The following MTREX variants were observed in gnomAD, a reference collection of about 807,000 sequenced individuals.
MTREX encodes Mtr4 exosome RNA helicase, also known as exosome RNA helicase MTR4.
A neutral mutation model predicts 135.4 loss-of-function variants in MTREX; 76 were observed. That is an observed-to-expected ratio of 0.56 (90% CI 0.47 to 0.68). The LOEUF (loss-of-function observed/expected upper bound fraction) is 0.68. Among genes scored for constraint, MTREX ranks in the 30% least tolerant of loss-of-function variants. The pLI is 0.00. For synonymous variants in MTREX, 404 were observed against 401.6 expected (o/e 1.01, Z -0.07); for missense variants, 920 against 1,262.1 (o/e 0.73, Z 4.11).
chr5:55,386,102 G>C (rs1446540720), intron 18 of MTREX, among the ~76,000 whole-genome samples: 1 of 152,122 alleles, frequency 6.6e-6, no homozygotes. Flanking sequence ...GCTTGCCAGA[G>C]GCAGAGGGAG....
chr5:55,409,186 A>C (rs997296671), intron 22 of MTREX, among the ~76,000 whole-genome samples: 3 of 152,076 alleles, frequency 2.0e-5, no homozygotes, highest in Non-Finnish European at 4.4e-5. Context: ...TCCTGGGCTC[A>C]AGAGATCTAC....
intron 4 of MTREX, among the ~76,000 whole-genome samples, chr5:55,328,326 T>A (rs945223873): frequency 1.3e-5 from 2 of 152,148 alleles, no homozygotes; most frequent in African/African-American, 4.8e-5. Context: ...TTCCTACCTA[T>A]GAAAGGAAAT....
intron 22 of MTREX, among the ~76,000 whole-genome samples, chr5:55,407,847 A>G (rs1750830535): frequency 6.6e-6 from 1 of 152,114 alleles, no homozygotes; most frequent in Admixed American, 6.5e-5. Context: ...TCAACTTGCC[A>G]GGCTCAAGTG....
chr5:55,408,034 GGT>G (rs1402370957), intron 22 of MTREX, among the ~76,000 whole-genome samples: 1 of 152,094 alleles, frequency 6.6e-6, no homozygotes, highest in African/African-American at 2.4e-5. Flanking sequence ...TGGGATTACA[GGT>G]GTGAGCCACT....
chr5:55,405,974 G>A (rs953783362), intron 22 of MTREX, among the ~76,000 whole-genome samples: 1 of 151,718 alleles, frequency 6.6e-6, no homozygotes, highest in African/African-American at 2.4e-5. Context: ...ATATAATTTT[G>A]TATACTTTTT....
chr5:55,331,218 C>G (rs1269081022), intron 5 of MTREX, among the ~76,000 whole-genome samples: 2 of 152,050 alleles, frequency 1.3e-5, no homozygotes, highest in Non-Finnish European at 2.9e-5. Flanking sequence ...CTGTGTTTTC[C>G]TGCACCTTGA....
At chr5:55,371,554 A>G (rs1434471025) in intron 16 of MTREX, among the ~76,000 whole-genome samples, 4 of 152,104 alleles carry the variant, frequency 2.6e-5, no homozygotes, top group Non-Finnish European at 5.9e-5. Flanking sequence ...AGGCCTTCTC[A>G]TTTGCACTGC....
At chr5:55,414,122 G>A (rs2111619258) in intron 23 of MTREX, 60 bp from the exon 24 acceptor site, 1 of 1,247,868 alleles carries the variant, frequency 8.0e-7, no homozygotes. Flanking sequence ...AACGGGTAGT[G>A]TGAAAAACCA....
intron 1 of MTREX, among the ~76,000 whole-genome samples, chr5:55,315,008 G>A (rs1749176469): frequency 6.6e-6 from 1 of 152,190 alleles, no homozygotes. Context: ...TTTCCTAACA[G>A]GCCATGAACT....
chr5:55,362,190 C>T (rs1373690243), intron 15 of MTREX, among the ~76,000 whole-genome samples: 1 of 150,510 alleles, frequency 6.6e-6, no homozygotes, highest in Non-Finnish European at 1.5e-5. Flanking sequence ...ACCTTGGCCT[C>T]CCAGAGTGCT....
chr5:55,348,836 C>G (rs1554031830), intron 11 of MTREX, among the ~76,000 whole-genome samples: 1 of 152,174 alleles, frequency 6.6e-6, no homozygotes, highest in Non-Finnish European at 1.5e-5. Context: ...TTGATAGACA[C>G]TGTACAAGAA....
At chr5:55,334,055 ACTAAAAGAAGTTGGAGTC>A (rs1388292157) in intron 5 of MTREX, among the ~76,000 whole-genome samples, 1 of 152,166 alleles carries the variant, frequency 6.6e-6, no homozygotes, top group Non-Finnish European at 1.5e-5. Context: ...CATTATGCGT[ACTAAAAGAAGTTGGAGTC>A]AAAAGATTGC....
In MTREX at chr5:55,414,182, T is replaced by C; in HGVS notation, c.2752T>C (p.Ser918Pro). 6.4e-7 allele frequency: 1 copy of C among 1,569,670 alleles called. No individual in the cohort carries two copies. Among genetic ancestry groups the C allele is most frequent in the South Asian group, 1.2e-5 (1 of 81,250 alleles). The part of the protein sequence containing the change: ...LLSCFVFQEN[S>P]SEMPKLTEQL... ...ATCTTGTTTTCCTTTTCTTTTATAG[T>C]CTAGTGAGATGCCCAAATTAACAGA... The change falls in exon 24 of 27, where the codon TCT becomes CCT. Residue 918 changes from serine (S) to proline (P), a missense_variant and splice_region_variant. Ser to Pro is a moderately conservative substitution (Grantham distance 74, BLOSUM62 -1). Around this residue, in one of 6 missense-constraint regions of MTREX, gnomAD observed 467 missense variants for 589.7 expected, o/e 0.79. Coordinates refer to ENST00000230640, the MANE Select transcript of MTREX (RefSeq NM_015360.5).
chr5:55,422,993 A>G lies in MTREX; in HGVS notation c.3076+11A>G, dbSNP rs1203704076. 1 of 1,600,808 alleles carries G rather than the reference A, an allele frequency of 6.2e-7. No homozygotes were observed. Among genetic ancestry groups the G allele is most frequent in the Non-Finnish European group, 8.6e-7 (1 of 1,169,042 alleles). Reference sequence around the variant, plus strand: ...ATAAATTTGCAGAAGGTCAGTATCAAATGGATAAGCTGTTTCTAATTTAGA... The same window carrying G: ...ATAAATTTGCAGAAGGTCAGTATCAGATGGATAAGCTGTTTCTAATTTAGA... On this transcript the variant is annotated intron_variant, in intron 26 of 26. Coordinates refer to ENST00000230640, the MANE Select transcript of MTREX (RefSeq NM_015360.5).
chr5:55,344,735 G>T (rs1485574434), intron 9 of MTREX, 115 bp downstream of exon 9: 1 of 632,186 alleles, frequency 1.6e-6, no homozygotes, highest in East Asian at 3.0e-5. Context: ...ACATTTGTTT[G>T]TCTTAGTTTT....
At chr5:55,376,338 C>A (rs1271897484) in intron 16 of MTREX, among the ~76,000 whole-genome samples, 3 of 152,226 alleles carry the variant, frequency 2.0e-5, no homozygotes, top group Non-Finnish European at 4.4e-5. Context: ...GTTCAAGACT[C>A]ATTACCCGAT....
intron 16 of MTREX, among the ~76,000 whole-genome samples, chr5:55,370,043 C>G (rs1750171226): frequency 6.6e-6 from 1 of 152,044 alleles, no homozygotes. Context: ...CCTGCCTCAG[C>G]CTCTCAAGTA....
At chr5:55,329,899 T>C (rs1172454879) in intron 5 of MTREX, among the ~76,000 whole-genome samples, 1 of 152,028 alleles carries the variant, frequency 6.6e-6, no homozygotes, top group African/African-American at 2.4e-5. Flanking sequence ...TCCTCAGGGC[T>C]CTTGTTCCAG....
chr5:55,410,861 A>C (rs1750875769), intron 23 of MTREX, among the ~76,000 whole-genome samples: 1 of 152,256 alleles, frequency 6.6e-6, no homozygotes, highest in Non-Finnish European at 1.5e-5. Flanking sequence ...ATTAGATTTT[A>C]AGTTTTAAAT....
Sources: allele counts gnomAD v4.1 joint callset (sites outside exome capture counted in the v4.1 genomes callset), GRCh38; gene constraint gnomAD v4.1.1; regional missense constraint gnomAD v4.1.1; transcripts MANE v1.5; gene names NCBI Gene and HGNC (gene_info 2026-07-23, HGNC 2026-07-21).